The following TMEM237 variants were observed in gnomAD, a reference collection of about 807,000 sequenced individuals.
TMEM237 encodes the protein transmembrane protein 237.
Under a neutral mutation model 59.1 loss-of-function variants are expected in TMEM237, and 51 were observed. The ratio of observed to expected loss-of-function variants is 0.86; its 90% CI spans 0.69 to 1.09. The LOEUF (loss-of-function observed/expected upper bound fraction) is 1.09, where lower values mean the gene tolerates loss of function less well. Ranked by LOEUF, TMEM237 falls within the 50% of genes least tolerant of loss-of-function variation. The pLI is 0.00. For synonymous variants in TMEM237, 140 were observed against 166.1 expected, an observed-to-expected ratio of 0.84 and a Z score of 1.21; for missense variants, 475 against 478.3, an observed-to-expected ratio of 0.99 and a Z score of 0.06.
At position 201,627,984 on chromosome 2, in the gene TMEM237, T is replaced by C. The variant is rs1465776710; in HGVS notation, c.943+92A>G. On this transcript the variant is annotated intron_variant, in intron 10 of 12. Transcript: ENST00000409883. ...AGGTAATGTTTATAAGGAGCAGTAA[T>C]ACAACTTTTAAAAAAAATTATATTT... 15 of 902,654 alleles carry C rather than the reference T, an allele frequency of 1.7e-5. No individual in the cohort carries two copies. In the Admixed American group the frequency reaches 3.9e-4, roughly 23 times the overall value. 55.9% of individuals were successfully genotyped at this position (902,654 alleles called of 1,614,324 possible).
chr2:201,632,587 G>A (rs1438726432), intron 6 of TMEM237, among the ~76,000 whole-genome samples: 2 of 152,170 alleles, frequency 1.3e-5, no homozygotes, highest in African/African-American at 2.4e-5. Context: ...AGATCTGATC[G>A]TTTTGTAAGG....
At position 201,620,640 on chromosome 2, in the gene TMEM237, A is replaced by G. The variant is rs1044848896; in HGVS notation, c.*3615T>C. 5.9e-5 allele frequency: 9 copies of G among 152,226 alleles called. No individual in the cohort carries two copies. The highest frequency in any genetic ancestry group is 2.2e-4 in the African/African-American group (9 of 41,460). The allele number at this position is 152,226 out of a possible 1,614,324, so 9.4% of individuals were successfully genotyped here. A position where few individuals can be genotyped will look rare whatever the true frequency, so the allele number is the denominator to read the frequency against. ...ATAACAAGGATGTTGCCAGTTGGAC[A>G]TTGGACAGGGAGTTGCTGGGCAAAT... On this transcript the variant is annotated 3_prime_UTR_variant, in exon 13 of 13. Coordinates refer to ENST00000409883, the MANE Select transcript of TMEM237 (RefSeq NM_001044385.3).
In TMEM237 at chr2:201,635,315, G is replaced by T. The variant is rs1056297745; in HGVS notation, c.274+1433C>A. Among the ~76,000 whole-genome samples, 13 of 152,204 alleles carry T rather than the reference G, an allele frequency of 8.5e-5. No homozygotes were observed. Among genetic ancestry groups the T allele is most frequent in the Non-Finnish European group, 1.9e-4 (13 of 68,040 alleles). On this transcript the variant is annotated intron_variant, in intron 5 of 12. Transcript: ENST00000409883. This position sits in a 1 kb window ranked among gnomAD's most constrained non-coding sequence, Gnocchi z 4.5. ...ATCAAGTTAAGATGAGGTCATGCTAGATTGGAATGGGCCCTAAATCCAACA... is the reference window on the plus strand; with the variant it reads ...ATCAAGTTAAGATGAGGTCATGCTATATTGGAATGGGCCCTAAATCCAACA...
rs191548167 is a variant in TMEM237 at position 201,640,160 on chromosome 2, T to C, written c.79+101A>G. 1.3e-5 allele frequency: 12 copies of C among 946,752 alleles called. No individual in the cohort carries two copies. In the African/African-American group the frequency reaches 2.0e-4, roughly 16 times the overall value. 58.6% of individuals were successfully genotyped at this position (946,752 alleles called of 1,614,324 possible). ...TATTTCACAAAAACATATTGTAGAA[T>C]TACAAATTACACCATTCAGACTCAG... On this transcript the variant is annotated intron_variant, in intron 3 of 12. Transcript: ENST00000409883.
intron 3 of TMEM237, 139 bp downstream of exon 3, chr2:201,640,122 A>G (rs1687385134): frequency 1.6e-6 from 1 of 643,112 alleles, no homozygotes; most frequent in African/African-American, 1.9e-5. Flanking sequence ...TTTAAATGGT[A>G]GTCATGGGAG....
Position 201,635,666 on chromosome 2 carries a change from G to A in TMEM237, c.274+1082C>T, listed in dbSNP as rs1450838145. Among the ~76,000 whole-genome samples, 1 of 152,020 alleles carries A rather than the reference G, an allele frequency of 6.6e-6. No homozygotes were observed. Among genetic ancestry groups the A allele is most frequent in the African/African-American group, 2.4e-5 (1 of 41,380 alleles). On this transcript the variant is annotated intron_variant, in intron 5 of 12. Coordinates refer to ENST00000409883, the MANE Select transcript of TMEM237 (RefSeq NM_001044385.3). The surrounding 1 kb of genome is among the most constrained non-coding windows in gnomAD (Gnocchi z 4.5). ...AATCCCAGCTACTCAGGAGGCCGAG[G>A]CAGGAGAATCGCTTGTACCCGGGAG...
At chr2:201,629,635 T>C (rs1422625893) in intron 8 of TMEM237, 94 bp downstream of exon 8, 1 of 1,497,360 alleles carries the variant, frequency 6.7e-7, no homozygotes, top group Non-Finnish European at 8.9e-7. Context: ...TGTGATTTCA[T>C]TAATAATACT....
In TMEM237 at chr2:201,626,167, C is replaced by T. The variant is rs1249782258; in HGVS notation, c.1038-20G>A. 2 of 1,607,008 alleles carry T rather than the reference C, an allele frequency of 1.2e-6. No homozygotes were observed. On this transcript the variant is annotated intron_variant, in intron 11 of 12. Coordinates refer to ENST00000409883, the MANE Select transcript of TMEM237 (RefSeq NM_001044385.3). ...GCTTCCCTAAAAATGTAGAAACACT[C>T]ATTAGAAGTGCCTTCAGTTTGGTTC... is the stretch of plus-strand genomic sequence containing the variant.
intron 1 of TMEM237, chr2:201,642,708 C>T: frequency 2.6e-6 from 4 of 1,568,592 alleles, no homozygotes; most frequent in Non-Finnish European, 3.5e-6. Context: ...CGCGCGCAGG[C>T]GCAATGCGTC....
Position 201,629,527 on chromosome 2 carries a change from C to A in TMEM237, c.678-106G>T, listed in dbSNP as rs1278216694. The A allele has an allele frequency of 6.1e-6, 8 of 1,319,486 alleles. No individual in the cohort carries two copies. The East Asian group carries it at 1.8e-4, about 30-fold the overall frequency. The allele number at this position is 1,319,486 out of a possible 1,614,324, so 81.7% of individuals were successfully genotyped here. A position where few individuals can be genotyped will look rare whatever the true frequency, so the allele number is the denominator to read the frequency against. On this transcript the variant is annotated intron_variant, in intron 8 of 12. Transcript: ENST00000409883. ...AAGAATAAAATTCAACATTTCATGA[C>A]AAGTAAAAGCAAGCTCTTTCTTTTT...
Position 201,640,878 on chromosome 2 carries a change from GTAA to G in TMEM237, c.74+12_74+14del, listed in dbSNP as rs753129043. On this transcript the variant is annotated intron_variant, in intron 2 of 12. Transcript: ENST00000409883. ...TTTAAAGCTCAATAATGAAATTACTGTAAATTATTTTTACCTTGGCACAGGTGG... is the reference window on the plus strand; with the variant it reads ...TTTAAAGCTCAATAATGAAATTACTGATTATTTTTACCTTGGCACAGGTGG... 5 of 1,572,390 alleles carry G rather than the reference GTAA, an allele frequency of 3.2e-6. No homozygotes were observed. In the East Asian group the frequency reaches 9.1e-5, roughly 28 times the overall value.
At chr2:201,638,200 C>G (rs1045653581) in intron 4 of TMEM237, among the ~76,000 whole-genome samples, 36 of 152,112 alleles carry the variant, frequency 2.4e-4, no homozygotes, top group African/African-American at 8.5e-4. Context: ...ACATAGAACT[C>G]TATGTATTAA....
Position 201,635,003 on chromosome 2 carries a change from A to G in TMEM237, c.275-1572T>C, listed in dbSNP as rs541362094. On this transcript the variant is annotated intron_variant, in intron 5 of 12. Coordinates refer to ENST00000409883, the MANE Select transcript of TMEM237 (RefSeq NM_001044385.3). The surrounding 1 kb of genome is among the most constrained non-coding windows in gnomAD (Gnocchi z 4.5). The stretch of plus-strand genomic sequence containing the variant: ...TGTTCCTTCCCTGAGTTTTGCTCCA[A>G]TACAACTCTTTGTCATTTTTCTAAT... The G allele has an allele frequency of 4.6e-5, 9 of 197,644 alleles. No homozygotes were observed. Among genetic ancestry groups the G allele is most frequent in the East Asian group, 3.5e-4 (2 of 5,710 alleles). The allele number at this position is 197,644 out of a possible 1,614,324, so 12.2% of individuals were successfully genotyped here. A position where few individuals can be genotyped will look rare whatever the true frequency, so the allele number is the denominator to read the frequency against.
At position 201,643,437 on chromosome 2, in the gene TMEM237, C is replaced by G. The variant is rs1327085131; in HGVS notation, c.-37G>C. The G allele has an allele frequency of 2.7e-6, 4 of 1,473,400 alleles. No individual in the cohort carries two copies. Among genetic ancestry groups the G allele is most frequent in the Non-Finnish European group, 3.6e-6 (4 of 1,110,344 alleles). 91.3% of individuals were successfully genotyped at this position (1,473,400 alleles called of 1,614,324 possible). ...CGCGGGGCTGCCCCGGCGCAACCGCCGGCGGCCCGAGCCCAGCTCCCCGCG... is the reference window on the plus strand; with the variant it reads ...CGCGGGGCTGCCCCGGCGCAACCGCGGGCGGCCCGAGCCCAGCTCCCCGCG... On this transcript the variant is annotated 5_prime_UTR_variant, in exon 1 of 13. Transcript: ENST00000409883. This position sits in a 1 kb window ranked among gnomAD's most constrained non-coding sequence, Gnocchi z 4.3.
chr2:201,638,938 T>A, intron 4 of TMEM237, 51 bp downstream of exon 4: 1 of 1,519,728 alleles, frequency 6.6e-7, no homozygotes, highest in Non-Finnish European at 8.9e-7. Flanking sequence ...TTACTACGCC[T>A]GAGGTCCTGG....
chr2:201,643,274 G>A lies in TMEM237; in HGVS notation c.42+85C>T. On this transcript the variant is annotated intron_variant, in intron 1 of 12. Transcript: ENST00000409883. This position sits in a 1 kb window ranked among gnomAD's most constrained non-coding sequence, Gnocchi z 4.3. ...CCTTAGTGATTCCCAGCTCGTTGGCGCCCCCCCACACACACCCACCCCCAC... is the reference window on the plus strand; with the variant it reads ...CCTTAGTGATTCCCAGCTCGTTGGCACCCCCCCACACACACCCACCCCCAC... The A allele has an allele frequency of 8.3e-7, 1 of 1,206,760 alleles. No homozygotes were observed. The allele number at this position is 1,206,760 out of a possible 1,614,324, so 74.8% of individuals were successfully genotyped here. A position where few individuals can be genotyped will look rare whatever the true frequency, so the allele number is the denominator to read the frequency against.
chr2:201,642,716 G>A, intron 1 of TMEM237: 2 of 1,546,942 alleles, frequency 1.3e-6, no homozygotes, highest in African/African-American at 1.4e-5. Flanking sequence ...GGCGCAATGC[G>A]TCATCGGGCC....
intron 12 of TMEM237, among the ~76,000 whole-genome samples, chr2:201,625,128 C>T (rs147864875): frequency 1.3e-5 from 2 of 152,124 alleles, no homozygotes; most frequent in East Asian, 1.9e-4. Flanking sequence ...TTTGGGAGGC[C>T]GAGGCGGGCG....
intron 1 of TMEM237, among the ~76,000 whole-genome samples, chr2:201,641,877 T>C (rs1687428274): frequency 6.6e-6 from 1 of 152,098 alleles, no homozygotes; most frequent in African/African-American, 2.4e-5. Context: ...CTTGGAATGT[T>C]TCAGGTAAAA....
Sources: allele counts gnomAD v4.1 joint callset (sites outside exome capture counted in the v4.1 genomes callset), GRCh38; gene constraint gnomAD v4.1.1; non-coding constraint Gnocchi (gnomAD v3.1); transcripts MANE v1.5; gene names NCBI Gene and HGNC (gene_info 2026-07-23, HGNC 2026-07-21).